PPM1G: variants seen among roughly 807,000 people sequenced by gnomAD.
The protein encoded by PPM1G is protein phosphatase, Mg2+/Mn2+ dependent 1G, also known as protein phosphatase 1G.
In PPM1G, 12 loss-of-function variants were observed where a neutral mutation model predicts 59.4. The observed-to-expected ratio is 0.20, with a 90% CI of 0.13 to 0.33. The LOEUF is 0.33. PPM1G is among the 10% of genes least tolerant of loss of function. The pLI is 1.00. For missense variants in PPM1G, 392 were observed against 681.3 expected (o/e 0.58, Z 4.73); for synonymous variants, 245 against 251.9 (o/e 0.97, Z 0.26).
chr2:27,398,822 AAAAAAAAAAG>A (rs1390258270), intron 1 of PPM1G, among the ~76,000 whole-genome samples: 5 of 149,740 alleles, frequency 3.3e-5, no homozygotes, highest in East Asian at 3.9e-4. Flanking sequence ...CTCCGTCTCA[AAAAAAAAAAG>A]AAAAAAAAAG....
chr2:27,401,211 T>A (rs1421015741), intron 1 of PPM1G, among the ~76,000 whole-genome samples: 5 of 152,232 alleles, frequency 3.3e-5, no homozygotes, highest in African/African-American at 9.6e-5. Context: ...GTGATTTTTT[T>A]AAAAAGAAAC....
At position 27,409,540 on chromosome 2, in the gene PPM1G, G is replaced by A; in HGVS notation, c.-118C>T. On this transcript the variant is annotated 5_prime_UTR_variant, in exon 1 of 10. Transcript: ENST00000344034. ...CCCCGCGGCGCGACCGACGCAAGGT[G>A]CCGGTGAAAGGCGCGAGGCCGGCCA... 12 of 1,271,278 alleles carry A rather than the reference G, an allele frequency of 9.4e-6. No homozygotes were observed. The Middle Eastern group carries it at 1.2e-3, about 125-fold the overall frequency. 78.7% of individuals were successfully genotyped at this position (1,271,278 alleles called of 1,614,324 possible). A position where few individuals can be genotyped will look rare whatever the true frequency, so the allele number is the denominator to read the frequency against.
chr2:27,392,007 G>A (rs1308895279), intron 1 of PPM1G, among the ~76,000 whole-genome samples: 1 of 151,432 alleles, frequency 6.6e-6, no homozygotes, highest in African/African-American at 2.4e-5. Flanking sequence ...CTGGGATTAC[G>A]GGTGTGAGCC....
intron 1 of PPM1G, among the ~76,000 whole-genome samples, chr2:27,389,802 A>G (rs924024405): frequency 4.6e-5 from 7 of 152,080 alleles, no homozygotes; most frequent in African/African-American, 1.4e-4. Context: ...CGCCTCTACA[A>G]AAAAATTTTA....
At chr2:27,394,691 C>G (rs962184850) in intron 1 of PPM1G, among the ~76,000 whole-genome samples, 2 of 148,290 alleles carry the variant, frequency 1.3e-5, no homozygotes, top group Non-Finnish European at 3.0e-5. Flanking sequence ...TGCAGTGAGC[C>G]GAGATCGTGC....
At chr2:27,398,882 T>G (rs999128362) in intron 1 of PPM1G, among the ~76,000 whole-genome samples, 5 of 150,580 alleles carry the variant, frequency 3.3e-5, no homozygotes, top group African/African-American at 1.2e-4. Context: ...TAGTGGCTCA[T>G]GACTGTAATC....
Position 27,384,024 on chromosome 2 carries a change from G to C in PPM1G, c.894C>G (p.Thr298=). ...CTTCATCGTCCTCTTCAGCCTCCTC[G>C]GTGTCATCCTCATCTTCCTCATTCT... The part of the protein sequence containing the change: ...EAENEEDEDD[T]EEAEEDDEEE... The change falls in exon 6 of 10, where the codon ACC becomes ACG. Residue 298 remains threonine, a synonymous_variant. Transcript: ENST00000344034. This position sits in a 1 kb window ranked among gnomAD's most constrained non-coding sequence, Gnocchi z 4.8. 1 of 1,602,954 alleles carries C rather than the reference G, an allele frequency of 6.2e-7. No homozygotes were observed. Among genetic ancestry groups the C allele is most frequent in the Non-Finnish European group, 8.5e-7 (1 of 1,174,582 alleles).
rs34341829 is a variant in PPM1G, at chr2:27,382,895, G to T, written c.1202-290C>A. ...GGCTGGAGTGTAATGGCACGATCTCGGCTCACTACAACCTCCGCCTCCCGG... is the reference window on the plus strand; with the variant it reads ...GGCTGGAGTGTAATGGCACGATCTCTGCTCACTACAACCTCCGCCTCCCGG... On this transcript the variant is annotated intron_variant, in intron 7 of 9. Transcript: ENST00000344034. The surrounding 1 kb of genome is among the most constrained non-coding windows in gnomAD (Gnocchi z 4.2). Among the ~76,000 whole-genome samples, 1 of 149,960 alleles carries T rather than the reference G, an allele frequency of 6.7e-6. No individual in the cohort carries two copies. Among genetic ancestry groups the T allele is most frequent in the Non-Finnish European group, 1.5e-5 (1 of 67,660 alleles).
chr2:27,399,751 AG>A (rs1417370831), intron 1 of PPM1G, among the ~76,000 whole-genome samples: 1 of 152,244 alleles, frequency 6.6e-6, no homozygotes, highest in Non-Finnish European at 1.5e-5. Context: ...GAACATGTGA[AG>A]GAACTGGCAT....
At chr2:27,393,357 G>T in intron 1 of PPM1G, 1 of 1,590,310 alleles carries the variant, frequency 6.3e-7, no homozygotes, top group Admixed American at 1.7e-5. Context: ...CGAGGTAGAC[G>T]CGGTCGTCAT....
At chr2:27,387,473 G>A (rs565004249) in intron 1 of PPM1G, among the ~76,000 whole-genome samples, 1 of 152,172 alleles carries the variant, frequency 6.6e-6, no homozygotes, top group Admixed American at 6.5e-5. Flanking sequence ...ATCTGTGGAA[G>A]CTACGGGAAA....
intron 1 of PPM1G, chr2:27,392,725 T>C (rs1683946655): frequency 2.0e-6 from 2 of 991,540 alleles, no homozygotes; most frequent in East Asian, 2.4e-5. Flanking sequence ...CCAACATACA[T>C]GCGCTGCCTT....
intron 1 of PPM1G, chr2:27,393,278 G>GTC (rs1456511891): frequency 1.3e-6 from 2 of 1,595,964 alleles, no homozygotes; most frequent in African/African-American, 2.7e-5. Context: ...TGGAGGAGGC[G>GTC]TAGAGCTCCA....
Position 27,384,162 on chromosome 2 carries a change from A to G in PPM1G, c.826-70T>C. 6.2e-7 allele frequency: 1 copy of G among 1,605,322 alleles called. No individual in the cohort carries two copies. The highest frequency in any genetic ancestry group is 8.5e-7 in the Non-Finnish European group (1 of 1,176,036). On this transcript the variant is annotated intron_variant, in intron 5 of 9. Coordinates refer to ENST00000344034, the MANE Select transcript of PPM1G (RefSeq NM_177983.3). This position sits in a 1 kb window ranked among gnomAD's most constrained non-coding sequence, Gnocchi z 4.8. ...CTCCCTCCCCACAGCTCATACTCAG[A>G]ATCAAGAGGTCCTGACTGAACACAG...
Position 27,383,621 on chromosome 2 carries a change from C to G in PPM1G, c.967-21G>C, listed in dbSNP as rs1207281998. On this transcript the variant is annotated intron_variant, in intron 6 of 9. Transcript: ENST00000344034. The surrounding 1 kb of genome is among the most constrained non-coding windows in gnomAD (Gnocchi z 5.0). ...CCAGGCTTAAGAGGAAGAAAAGGAG[C>G]ATCATGGGGGCTTCTGAACATGCGT... The G allele has an allele frequency of 6.3e-7, 1 of 1,592,240 alleles. No individual in the cohort carries two copies. The highest frequency in any genetic ancestry group is 8.6e-7 in the Non-Finnish European group (1 of 1,167,298).
chr2:27,388,451 T>G (rs1214825894), intron 1 of PPM1G, among the ~76,000 whole-genome samples: 1 of 152,076 alleles, frequency 6.6e-6, no homozygotes. Flanking sequence ...TGTAACCATC[T>G]AAATTTCCAG....
intron 1 of PPM1G, among the ~76,000 whole-genome samples, chr2:27,388,033 C>T (rs769260109): frequency 6.4e-4 from 96 of 150,988 alleles, no homozygotes; most frequent in Admixed American, 2.1e-3. Flanking sequence ...CTCCTGATCT[C>T]GGGATCCACC....
At chr2:27,398,834 A>G (rs1475042853) in intron 1 of PPM1G, among the ~76,000 whole-genome samples, 5 of 150,726 alleles carry the variant, frequency 3.3e-5, no homozygotes, top group Non-Finnish European at 7.4e-5. Flanking sequence ...AAAAAAAAGA[A>G]AAAAAAAGAA....
At chr2:27,386,569 T>C (rs568208435) in intron 2 of PPM1G, 37 of 226,946 alleles carry the variant, frequency 1.6e-4, no homozygotes, top group Non-Finnish European at 3.0e-4. Flanking sequence ...TTTTTTGTTT[T>C]TTAAGACAAG....
Sources: gnomAD v4.1 joint callset for allele counts (sites outside exome capture counted in the v4.1 genomes callset) on GRCh38, gnomAD v4.1.1 for gene constraint, Gnocchi (gnomAD v3.1) non-coding constraint, MANE v1.5 for transcripts, NCBI Gene and HGNC (gene_info 2026-07-23, HGNC 2026-07-21) for gene names.